TRIM55: variants seen among roughly 807,000 people sequenced by gnomAD.
TRIM55 encodes the protein tripartite motif containing 55.
In TRIM55, 50 loss-of-function variants were observed where a neutral mutation model predicts 60.9. That is an observed-to-expected ratio of 0.82 (90% confidence interval 0.65 to 1.04). The LOEUF (loss-of-function observed/expected upper bound fraction) is 1.04. TRIM55 is among the 50% of genes least tolerant of loss of function. The pLI, the probability that TRIM55 is intolerant of heterozygous loss-of-function variation, is 0.00. For missense variants in TRIM55, 681 were observed against 666.9 expected (o/e 1.02, Z -0.23); for synonymous variants, 237 against 238.1 (o/e 1.00, Z 0.04).
At chr8:66,155,264 A>T (rs187198586) in intron 9 of TRIM55, among the ~76,000 whole-genome samples, 198 of 152,350 alleles carry the variant, frequency 1.3e-3, no homozygotes, top group African/African-American at 4.7e-3. Context: ...AAGAGACTTC[A>T]ATTCCATGAG....
intron 9 of TRIM55, among the ~76,000 whole-genome samples, chr8:66,156,864 C>A (rs1159049180): frequency 6.6e-6 from 1 of 152,158 alleles, no homozygotes; most frequent in Non-Finnish European, 1.5e-5. Flanking sequence ...AACCTGTGCA[C>A]CCTAGAGTGT....
In TRIM55 at chr8:66,137,772, A is replaced by G. The variant is rs1241261898; in HGVS notation, c.603+582A>G. On this transcript the variant is annotated intron_variant, in intron 4 of 9. Coordinates refer to ENST00000315962, the MANE Select transcript of TRIM55 (RefSeq NM_184085.2). ...TAATCAACACTGAAAAAAAAAAAAAAAAAAAATCTTGCTGAATGAAGAGAT... is the reference window on the plus strand; with the variant it reads ...TAATCAACACTGAAAAAAAAAAAAAGAAAAAATCTTGCTGAATGAAGAGAT... 5.3e-5 allele frequency among the ~76,000 whole-genome samples: 8 copies of G among 152,068 alleles called. No individual in the cohort carries two copies. The East Asian group carries it at 1.5e-3, about 29-fold the overall frequency.
rs549059537 is a variant in TRIM55, at chr8:66,172,663, T to G, written c.1525-1808T>G. Among the ~76,000 whole-genome samples the G allele has an allele frequency of 1.4e-4, 21 of 152,312 alleles. 1 individual carries two copies. In the South Asian group the frequency reaches 2.9e-3, roughly 21 times the overall value. ...TATTCCAAAAGCAGTCCCAGGGGCT[T>G]GTTCGCTACCAGCAGTTTCCCAAAG... On this transcript the variant is annotated intron_variant, in intron 9 of 9. Transcript: ENST00000315962.
At chr8:66,158,308 G>A (rs1014468760) in intron 9 of TRIM55, among the ~76,000 whole-genome samples, 2 of 152,068 alleles carry the variant, frequency 1.3e-5, no homozygotes, top group Non-Finnish European at 2.9e-5. Context: ...AGAACACAAA[G>A]TTGCAGTGAT....
At chr8:66,156,642 G>C (rs1378328005) in intron 9 of TRIM55, among the ~76,000 whole-genome samples, 1 of 152,152 alleles carries the variant, frequency 6.6e-6, no homozygotes, top group African/African-American at 2.4e-5. Context: ...CTCAAAGGCA[G>C]TTCAGGGTCA....
chr8:66,152,173 G>A (rs1052508740), intron 7 of TRIM55: 5 of 642,678 alleles, frequency 7.8e-6, no homozygotes, highest in African/African-American at 7.3e-5. Context: ...AAGGAGGATA[G>A]GGATGGTTCC....
chr8:66,129,254 C>T (rs1202728707), intron 2 of TRIM55, among the ~76,000 whole-genome samples: 1 of 152,148 alleles, frequency 6.6e-6, no homozygotes, highest in African/African-American at 2.4e-5. Context: ...TTCCTAGACA[C>T]AATGCTGCGG....
At chr8:66,170,829 C>T (rs1811583394) in intron 9 of TRIM55, among the ~76,000 whole-genome samples, 1 of 152,200 alleles carries the variant, frequency 6.6e-6, no homozygotes, top group African/African-American at 2.4e-5. Flanking sequence ...AGCAGGGCCT[C>T]ACACAGATAT....
At chr8:66,128,852 A>T (rs117175269) in intron 2 of TRIM55, among the ~76,000 whole-genome samples, 1 of 152,360 alleles carries the variant, frequency 6.6e-6, no homozygotes, top group South Asian at 2.1e-4. Flanking sequence ...AAGAAAAAAA[A>T]ATCTAGTAAA....
In TRIM55 at chr8:66,127,427, T is replaced by C. The variant is rs747257010; in HGVS notation, c.159T>C (p.Asp53=). 1 of 1,614,060 alleles carries C rather than the reference T, an allele frequency of 6.2e-7. No individual in the cohort carries two copies. Among genetic ancestry groups the C allele is most frequent in the South Asian group, 1.1e-5 (1 of 91,054 alleles). Residue 53 remains aspartate (D), a synonymous_variant, in exon 1 of 10, where the codon GAT becomes GAC. Coordinates refer to ENST00000315962, the MANE Select transcript of TRIM55 (RefSeq NM_184085.2). ...QHNLCRKCAS[D]IFQASNPYLP... ...ACCTGTGTAGGAAATGTGCCAGTGATATTTTCCAGGTAGGTTTGTTTGGAA... is the reference window on the plus strand; with the variant it reads ...ACCTGTGTAGGAAATGTGCCAGTGACATTTTCCAGGTAGGTTTGTTTGGAA...
At chr8:66,134,140 T>A (rs1809339656) in intron 2 of TRIM55, among the ~76,000 whole-genome samples, 1 of 152,260 alleles carries the variant, frequency 6.6e-6, no homozygotes, top group Non-Finnish European at 1.5e-5. Flanking sequence ...CTGTAGTTTT[T>A]AAAAATTGGA....
At chr8:66,116,252 C>A in the TRIM55 span, among the ~76,000 whole-genome samples, 1 of 151,924 alleles carries the variant, frequency 6.6e-6, no homozygotes, top group African/African-American at 2.4e-5. Flanking sequence ...TGTTAATAAT[C>A]AAATTCTAAG....
At chr8:66,138,145 A>G (rs1809591884) in intron 4 of TRIM55, among the ~76,000 whole-genome samples, 1 of 152,106 alleles carries the variant, frequency 6.6e-6, no homozygotes, top group Admixed American at 6.5e-5. Context: ...TGTTCAGTTC[A>G]TGGCATATAG....
intron 9 of TRIM55, among the ~76,000 whole-genome samples, chr8:66,158,141 CCA>C (rs35285600): frequency 0.095 from 10,907 of 114,364 alleles, 585 homozygotes; most frequent in East Asian, 0.14. Flanking sequence ...GATCTCCCCA[CCA>C]CACACACACA....
At chr8:66,137,984 C>T (rs1416653855) in intron 4 of TRIM55, among the ~76,000 whole-genome samples, 3 of 152,254 alleles carry the variant, frequency 2.0e-5, no homozygotes, top group South Asian at 2.1e-4. Flanking sequence ...TAGTTACATC[C>T]GTGCTGCTCT....
chr8:66,120,306 C>A, the TRIM55 span, among the ~76,000 whole-genome samples: 8 of 152,126 alleles, frequency 5.3e-5, no homozygotes, highest in Non-Finnish European at 1.0e-4. Flanking sequence ...GTCCCAAGTC[C>A]CTGAGTGGGA....
the TRIM55 span, among the ~76,000 whole-genome samples, chr8:66,120,652 C>T: frequency 6.6e-6 from 1 of 152,306 alleles, no homozygotes; most frequent in Non-Finnish European, 1.5e-5. Context: ...TGCATTGTTA[C>T]ACATTCGTGT....
chr8:66,155,232 A>T (rs1563384835), intron 9 of TRIM55, among the ~76,000 whole-genome samples: 1 of 152,354 alleles, frequency 6.6e-6, no homozygotes, highest in Admixed American at 6.5e-5. Flanking sequence ...ACAATGACTT[A>T]TTATTTTGAT....
the TRIM55 span, among the ~76,000 whole-genome samples, chr8:66,117,996 C>G: frequency 6.6e-6 from 1 of 151,012 alleles, no homozygotes. Context: ...GAAACCCCAT[C>G]TCTACTAAAA....
Sources: gnomAD v4.1 joint callset for allele counts (sites outside exome capture counted in the v4.1 genomes callset) on GRCh38, gnomAD v4.1.1 for gene constraint, MANE v1.5 for transcripts, NCBI Gene and HGNC (gene_info 2026-07-23, HGNC 2026-07-21) for gene names.